Variants in FOXK1 observed in about 807,000 individuals in gnomAD.
FOXK1 encodes forkhead box protein K1.
Under a neutral mutation model 51.9 loss-of-function variants are expected in FOXK1, and 19 were observed. The ratio of observed to expected loss-of-function variants is 0.37; its 90% confidence interval spans 0.26 to 0.54. The LOEUF is 0.54. FOXK1 is among the 20% of genes least tolerant of loss of function. The probability of loss-of-function intolerance (pLI) is 0.87; values close to 1 mark genes in which losing one functional copy is unlikely to be tolerated. For missense variants in FOXK1, 870 were observed against 1,032.7 expected (o/e 0.84, Z 2.16); for synonymous variants, 537 against 482.6 (o/e 1.11, Z -1.48).
chr7:4,736,626 C>T (rs1780555547), intron 1 of FOXK1, among the ~76,000 whole-genome samples: 2 of 152,066 alleles, frequency 1.3e-5, no homozygotes, highest in African/African-American at 4.8e-5. Context: ...TTTGGCCAGG[C>T]TGGTCTCGAA....
At chr7:4,721,104 T>G (rs1397593299) in intron 1 of FOXK1, among the ~76,000 whole-genome samples, 1 of 152,206 alleles carries the variant, frequency 6.6e-6, no homozygotes, top group Non-Finnish European at 1.5e-5. Context: ...CTTTACTCTG[T>G]CACTGTTGCC....
chr7:4,706,385 A>C (rs781755884), intron 1 of FOXK1, among the ~76,000 whole-genome samples: 1 of 152,166 alleles, frequency 6.6e-6, no homozygotes, highest in Non-Finnish European at 1.5e-5. Context: ...TATATCTGTG[A>C]CACTCCTTCC....
intron 1 of FOXK1, among the ~76,000 whole-genome samples, chr7:4,732,651 AG>A (rs1780493486): frequency 6.6e-6 from 1 of 152,180 alleles, no homozygotes; most frequent in Non-Finnish European, 1.5e-5. Flanking sequence ...TAGTAACGCA[AG>A]GCTTCAAACA....
chr7:4,706,003 CGT>C (rs1562373117), intron 1 of FOXK1, among the ~76,000 whole-genome samples: 1 of 90,532 alleles, frequency 1.1e-5, no homozygotes, highest in Admixed American at 9.7e-5. Flanking sequence ...CGTATATATA[CGT>C]ATATATACGT....
intron 1 of FOXK1, among the ~76,000 whole-genome samples, chr7:4,688,365 G>C (rs1011972130): frequency 6.8e-6 from 1 of 148,046 alleles, no homozygotes. Flanking sequence ...TTCTCTTACT[G>C]TCGGCATGGT....
At chr7:4,751,964 G>GT (rs1291862639) in intron 2 of FOXK1, among the ~76,000 whole-genome samples, 1 of 152,090 alleles carries the variant, frequency 6.6e-6, no homozygotes, top group Non-Finnish European at 1.5e-5. Flanking sequence ...TTTTTTGTTT[G>GT]TTTTTTGAGA....
At position 4,748,222 on chromosome 7, in the gene FOXK1, C is replaced by A. The variant is rs77169224; in HGVS notation, c.747-6237C>A. Reference sequence around the variant, plus strand: ...CCACACAACGCTCCCCAGAGCTGAGCCCTTCTCTCTCACTTCTGTGTCTCT... The same window carrying A: ...CCACACAACGCTCCCCAGAGCTGAGACCTTCTCTCTCACTTCTGTGTCTCT... On this transcript the variant is annotated intron_variant, in intron 2 of 8. Coordinates refer to ENST00000328914, the MANE Select transcript of FOXK1 (RefSeq NM_001037165.2). The surrounding 1 kb of genome is among the most constrained non-coding windows in gnomAD (Gnocchi z 4.9). 9.9e-3 allele frequency among the ~76,000 whole-genome samples: 1,511 copies of A among 152,260 alleles called. 26 individuals carry two copies. Among genetic ancestry groups the A allele is most frequent in the African/African-American group, 0.035 (1,441 of 41,532 alleles).
In FOXK1 at chr7:4,743,522, C is replaced by G. The variant is rs1486183748; in HGVS notation, c.746+2499C>G. ...CTGAGATCACGCGACTGCACTCCAG[C>G]CCGGGCGATAGAGCGAGACTCCATT... On this transcript the variant is annotated intron_variant, in intron 2 of 8. Transcript: ENST00000328914. This position sits in a 1 kb window ranked among gnomAD's most constrained non-coding sequence, Gnocchi z 5.3. 6.6e-6 allele frequency among the ~76,000 whole-genome samples: 1 copy of G among 152,154 alleles called. No individual in the cohort carries two copies. Among genetic ancestry groups the G allele is most frequent in the African/African-American group, 2.4e-5 (1 of 41,440 alleles).
chr7:4,697,909 C>T (rs1779974170), intron 1 of FOXK1, among the ~76,000 whole-genome samples: 1 of 152,006 alleles, frequency 6.6e-6, no homozygotes, highest in Non-Finnish European at 1.5e-5. Context: ...ACTGTAACCT[C>T]CACTTCCTGG....
At position 4,731,700 on chromosome 7, in the gene FOXK1, AGTGAGCTGAGATT is replaced by A. The variant is rs954404700; in HGVS notation, c.561-9136_561-9124del. On this transcript the variant is annotated intron_variant, in intron 1 of 8. Transcript: ENST00000328914. The surrounding 1 kb of genome is among the most constrained non-coding windows in gnomAD (Gnocchi z 5.3). ...GCTTGGACCTGGAGGCGGAGGTTGC[AGTGAGCTGAGATT>A]GCACCACTGCACTCCAGCCTGGGCA... Among the ~76,000 whole-genome samples, 1 of 150,540 alleles carries A rather than the reference AGTGAGCTGAGATT, an allele frequency of 6.6e-6. No homozygotes were observed. The highest frequency in any genetic ancestry group is 2.0e-4 in the East Asian group (1 of 5,068).
chr7:4,757,221 T>G, intron 5 of FOXK1, 34 bp downstream of exon 5: 1 of 1,546,252 alleles, frequency 6.5e-7, no homozygotes, highest in Non-Finnish European at 8.8e-7. Context: ...CTCCAGCTGT[T>G]AGGAAAGCTG....
chr7:4,688,850 T>G (rs1421814107), intron 1 of FOXK1, among the ~76,000 whole-genome samples: 2 of 152,106 alleles, frequency 1.3e-5, no homozygotes, highest in East Asian at 3.8e-4. Context: ...GTTTTGCTTT[T>G]TTGCCAGAAC....
intron 2 of FOXK1, among the ~76,000 whole-genome samples, chr7:4,746,910 C>CCACCA (rs1417780970): frequency 1.3e-5 from 2 of 152,210 alleles, no homozygotes; most frequent in Non-Finnish European, 2.9e-5. Flanking sequence ...CCTCCCCACC[C>CCACCA]CACCACACCC....
Position 4,759,584 on chromosome 7 carries a change from G to A in FOXK1, c.1685G>A (p.Ser562Asn), listed in dbSNP as rs1252566406. The change falls in exon 7 of 9, where the codon AGC (serine) becomes AAC (asparagine). Residue 562 changes from serine (S) to asparagine (N), a missense_variant. This residue lies in a region of FOXK1 where 457 missense variants were observed against 510.8 expected (regional missense o/e 0.89). Coordinates refer to ENST00000328914, the MANE Select transcript of FOXK1 (RefSeq NM_001037165.2). ...AAGAAVLDLG[S>N]EARGLEEKPT... is the part of the protein sequence containing the mutation. Reference sequence around the variant, plus strand: ...GGCGCAGCCGTGCTGGACCTGGGCAGCGAGGCCAGAGGTAATGCAGCCGCG... The same window carrying A: ...GGCGCAGCCGTGCTGGACCTGGGCAACGAGGCCAGAGGTAATGCAGCCGCG... The A allele has an allele frequency of 1.3e-6, 2 of 1,536,680 alleles. No homozygotes were observed. Among genetic ancestry groups the A allele is most frequent in the Non-Finnish European group, 8.7e-7 (1 of 1,146,834 alleles).
Position 4,768,094 on chromosome 7 carries a change from T to G in FOXK1, c.*5630T>G, listed in dbSNP as rs928410866. The stretch of plus-strand genomic sequence containing the variant: ...ACACATTTCCCTCTGGACTGAAATT[T>G]TAAAAACAGACCCATTTCACTGACT... On this transcript the variant is annotated 3_prime_UTR_variant, in exon 9 of 9. Transcript: ENST00000328914. The G allele has an allele frequency of 6.6e-6, 1 of 151,000 alleles. No homozygotes were observed. Among genetic ancestry groups the G allele is most frequent in the Non-Finnish European group, 1.5e-5 (1 of 67,962 alleles). The allele number at this position is 151,000 out of a possible 1,614,324, so 9.4% of individuals were successfully genotyped here.
Position 4,754,449 on chromosome 7 carries a change from C to T in FOXK1, c.747-10C>T. 1 of 1,612,034 alleles carries T rather than the reference C, an allele frequency of 6.2e-7. No individual in the cohort carries two copies. The highest frequency in any genetic ancestry group is 8.5e-7 in the Non-Finnish European group (1 of 1,179,608). On this transcript the variant is annotated splice_polypyrimidine_tract_variant and intron_variant, in intron 2 of 8. Transcript: ENST00000328914. ...AGCCATGAACTTACAGTGTCCTTCTCTCTCCTCAGTGTCCCCAACTCCTGC... is the reference window on the plus strand; with the variant it reads ...AGCCATGAACTTACAGTGTCCTTCTTTCTCCTCAGTGTCCCCAACTCCTGC...
chr7:4,754,661 G>C (rs376409422), intron 3 of FOXK1, 46 bp downstream of exon 3: 8 of 1,578,368 alleles, frequency 5.1e-6, no homozygotes. Flanking sequence ...ACCCAGGATC[G>C]GGCCATAGTG....
chr7:4,685,607 G>A (rs937768001), intron 1 of FOXK1, among the ~76,000 whole-genome samples: 4 of 149,582 alleles, frequency 2.7e-5, no homozygotes, highest in African/African-American at 7.4e-5. Flanking sequence ...AAACTTTTTT[G>A]GTTAGGTAAA....
rs1160359154 is a variant in FOXK1, at chr7:4,745,184, C to T, written c.746+4161C>T. On this transcript the variant is annotated intron_variant, in intron 2 of 8. Coordinates refer to ENST00000328914, the MANE Select transcript of FOXK1 (RefSeq NM_001037165.2). This position sits in a 1 kb window ranked among gnomAD's most constrained non-coding sequence, Gnocchi z 4.3. ...GGCTGCCTGCAAGGCTGTCCCCTCCCAGTGCCGCCCCGCCCCCGCGGTGCC... is the reference window on the plus strand; with the variant it reads ...GGCTGCCTGCAAGGCTGTCCCCTCCTAGTGCCGCCCCGCCCCCGCGGTGCC... Among the ~76,000 whole-genome samples the T allele has an allele frequency of 6.6e-6, 1 of 152,246 alleles. No individual in the cohort carries two copies. The highest frequency in any genetic ancestry group is 6.5e-5 in the Admixed American group (1 of 15,292).
Sources: gnomAD v4.1 joint callset for allele counts (sites outside exome capture counted in the v4.1 genomes callset) on GRCh38, gnomAD v4.1.1 for gene constraint, gnomAD v4.1.1 regional missense constraint, Gnocchi (gnomAD v3.1) non-coding constraint, MANE v1.5 for transcripts, NCBI Gene and HGNC (gene_info 2026-07-23, HGNC 2026-07-21) for gene names.